PDE1C: variants seen among roughly 807,000 people sequenced by gnomAD.
PDE1C encodes the protein phosphodiesterase 1C.
PDE1C carries 62 observed loss-of-function variants against 93.1 expected under a neutral mutation model. That is an observed-to-expected ratio of 0.67 (90% CI 0.54 to 0.82). The LOEUF (loss-of-function observed/expected upper bound fraction) is 0.82. Among genes scored for constraint, PDE1C ranks in the 40% least tolerant of loss-of-function variants. The probability of loss-of-function intolerance (pLI) is 0.00; values close to 1 mark genes in which losing one functional copy is unlikely to be tolerated. For synonymous variants in PDE1C, 325 were observed against 310.1 expected (o/e 1.05, Z -0.50); for missense variants, 742 against 884.6 (o/e 0.84, Z 2.04).
chr7:32,419,499 C>T (rs1157340128), intron 1 of PDE1C, among the ~76,000 whole-genome samples: 2 of 152,162 alleles, frequency 1.3e-5, no homozygotes, highest in African/African-American at 4.8e-5. Flanking sequence ...TCATTAGTAG[C>T]TTCACAAAAA....
At chr7:32,411,877 TC>T (rs1785178080) in intron 1 of PDE1C, among the ~76,000 whole-genome samples, 1 of 150,860 alleles carries the variant, frequency 6.6e-6, no homozygotes, top group Non-Finnish European at 1.5e-5. Context: ...TATTTTCATT[TC>T]TAAAATATTT....
the PDE1C span, among the ~76,000 whole-genome samples, chr7:31,703,523 A>C: frequency 6.6e-6 from 1 of 152,254 alleles, no homozygotes; most frequent in African/African-American, 2.4e-5. Flanking sequence ...CTATATCATA[A>C]GTAAGTGCAA....
At chr7:31,827,059 C>A (rs775414558) in intron 12 of PDE1C, among the ~76,000 whole-genome samples, 8 of 152,116 alleles carry the variant, frequency 5.3e-5, no homozygotes, top group Non-Finnish European at 1.5e-5. Flanking sequence ...ACTTAAAATT[C>A]TTTAGATATG....
At chr7:32,387,710 C>A (rs1418874537) in intron 1 of PDE1C, among the ~76,000 whole-genome samples, 3 of 127,624 alleles carry the variant, frequency 2.4e-5, no homozygotes, top group African/African-American at 6.2e-5. Context: ...CCGGACGGGG[C>A]GGCTGGCCGG....
intron 2 of PDE1C, among the ~76,000 whole-genome samples, chr7:32,041,253 C>A (rs1431157263): frequency 6.6e-6 from 1 of 152,162 alleles, no homozygotes; most frequent in African/African-American, 2.4e-5. Context: ...TCACCAGGTT[C>A]ACGACAGGAC....
the PDE1C span, among the ~76,000 whole-genome samples, chr7:31,667,623 A>T: frequency 7.3e-5 from 10 of 137,252 alleles, no homozygotes; most frequent in African/African-American, 1.2e-4. Context: ...GTGTATGAAT[A>T]GACAAGTAAA....
chr7:31,636,486 T>G, the PDE1C span, among the ~76,000 whole-genome samples: 1 of 152,192 alleles, frequency 6.6e-6, no homozygotes, highest in Non-Finnish European at 1.5e-5. Context: ...GTACAAGTCT[T>G]GCATCAAAAC....
At chr7:31,645,595 C>T in the PDE1C span, among the ~76,000 whole-genome samples, 1 of 152,066 alleles carries the variant, frequency 6.6e-6, no homozygotes, top group African/African-American at 2.4e-5. Flanking sequence ...CCATAACCAT[C>T]ATCACCACCA....
At chr7:31,735,542 T>C in the PDE1C span, among the ~76,000 whole-genome samples, 4 of 152,218 alleles carry the variant, frequency 2.6e-5, no homozygotes, top group African/African-American at 9.6e-5. Flanking sequence ...GATCCTGCCC[T>C]GGACACTTAG....
chr7:32,087,440 T>TGGC (rs1797169206), intron 3 of PDE1C, among the ~76,000 whole-genome samples: 1 of 152,176 alleles, frequency 6.6e-6, no homozygotes, highest in African/African-American at 2.4e-5. Flanking sequence ...GAAGTCAGTG[T>TGGC]GGCGATTCCT....
chr7:32,347,357 C>G (rs1166135550), intron 1 of PDE1C, among the ~76,000 whole-genome samples: 1 of 152,136 alleles, frequency 6.6e-6, no homozygotes, highest in African/African-American at 2.4e-5. Context: ...ACCTCTCAGT[C>G]TTTATAGACC....
upstream of PDE1C, among the ~76,000 whole-genome samples, chr7:32,303,371 A>G: frequency 6.6e-6 from 1 of 152,206 alleles, no homozygotes; most frequent in Non-Finnish European, 1.5e-5. Flanking sequence ...CCAACTATAT[A>G]CTAGGCATTG....
the PDE1C span, chr7:31,658,440 T>A: frequency 7.1e-7 from 1 of 1,417,044 alleles, no homozygotes; most frequent in East Asian, 2.5e-5. Context: ...GTATAACACA[T>A]GTCGAACAAA....
At chr7:32,029,391 C>T (rs2128632116) in intron 2 of PDE1C, among the ~76,000 whole-genome samples, 1 of 152,274 alleles carries the variant, frequency 6.6e-6, no homozygotes, top group East Asian at 1.9e-4. Flanking sequence ...AATACCTGCA[C>T]TCCCATGTTC....
chr7:31,620,109 T>C, the PDE1C span, among the ~76,000 whole-genome samples: 6 of 151,992 alleles, frequency 3.9e-5, no homozygotes, highest in Non-Finnish European at 8.8e-5. Context: ...GCCGGGAAGC[T>C]CCAACTGGGT....
chr7:32,372,478 G>A (rs898838032), intron 1 of PDE1C, among the ~76,000 whole-genome samples: 4 of 151,974 alleles, frequency 2.6e-5, no homozygotes, highest in East Asian at 1.9e-4. Context: ...CACAATACAC[G>A]AAATTAACTC....
intron 2 of PDE1C, among the ~76,000 whole-genome samples, chr7:31,920,029 T>C (rs7807110): frequency 1 from 151,831 of 152,300 alleles, 75,683 homozygotes; most frequent in East Asian, 1. Context: ...TATTCCTCTT[T>C]CCTTTTCTAC....
chr7:32,316,799 G>T (rs1214737987), intron 1 of PDE1C, among the ~76,000 whole-genome samples: 3 of 150,134 alleles, frequency 2.0e-5, no homozygotes, highest in Admixed American at 1.3e-4. Context: ...AGATGCTTTT[G>T]TCAGGCATTT....
intron 2 of PDE1C, among the ~76,000 whole-genome samples, chr7:32,027,607 T>TAAAAAAAAAAAAAA (rs551660766): frequency 1.4e-4 from 11 of 78,494 alleles, no homozygotes; most frequent in Middle Eastern, 7.7e-3. Context: ...TCAAAAATGG[T>TAAAAAAAAAAAAAA]AAAAAAAAAA....
Sources: gnomAD v4.1 joint callset for allele counts (sites outside exome capture counted in the v4.1 genomes callset) on GRCh38, gnomAD v4.1.1 for gene constraint, MANE v1.5 for transcripts, NCBI Gene and HGNC (gene_info 2026-07-23, HGNC 2026-07-21) for gene names.